Variants in CCDC6 observed in about 807,000 individuals in gnomAD.
The protein encoded by CCDC6 is coiled-coil domain-containing protein 6.
A neutral mutation model predicts 56.6 loss-of-function variants in CCDC6; 20 were observed. The ratio of observed to expected loss-of-function variants is 0.35; its 90% CI spans 0.25 to 0.51. The LOEUF is 0.51. CCDC6 is among the 20% of genes least tolerant of loss of function. The pLI is 0.95. For missense variants in CCDC6, 367 were observed against 601.1 expected (o/e 0.61, Z 4.07); for synonymous variants, 241 against 234.4 (o/e 1.03, Z -0.26).
chr10:59,903,862 C>T (rs1400752724), intron 1 of CCDC6, among the ~76,000 whole-genome samples: 1 of 152,156 alleles, frequency 6.6e-6, no homozygotes, highest in African/African-American at 2.4e-5. Flanking sequence ...CATGGAGTCA[C>T]ATAAATTTCT....
At chr10:59,850,563 C>T (rs114015308) in intron 2 of CCDC6, among the ~76,000 whole-genome samples, 46 of 152,244 alleles carry the variant, frequency 3.0e-4, no homozygotes, top group Middle Eastern at 3.4e-3. Flanking sequence ...AAGACATGCC[C>T]GCGTGAAGGC....
At chr10:59,795,451 TA>T (rs200627835) in intron 7 of CCDC6, among the ~76,000 whole-genome samples, 3 of 136,336 alleles carry the variant, frequency 2.2e-5, no homozygotes, top group East Asian at 4.0e-4. Flanking sequence ...TGGCCATTAT[TA>T]TTTTTTTTCT....
At chr10:59,860,227 C>T (rs2071116521) in intron 1 of CCDC6, among the ~76,000 whole-genome samples, 1 of 152,164 alleles carries the variant, frequency 6.6e-6, no homozygotes, top group Non-Finnish European at 1.5e-5. Flanking sequence ...AGGAAACCCT[C>T]CCATCCCCAG....
intron 1 of CCDC6, among the ~76,000 whole-genome samples, chr10:59,853,297 C>G (rs1265078271): frequency 6.6e-6 from 1 of 152,122 alleles, no homozygotes. Flanking sequence ...CTCTGGGAGG[C>G]AGAGGTGGGT....
Position 59,811,586 on chromosome 10 carries a change from G to A in CCDC6, c.847+1049C>T, listed in dbSNP as rs763538461. On this transcript the variant is annotated intron_variant, in intron 5 of 8. Coordinates refer to ENST00000263102, the MANE Select transcript of CCDC6 (RefSeq NM_005436.5). Reference sequence around the variant, plus strand: ...GAGAAAACTACAATGCATAGTAAGCGAAAAGAGAAAGGTGTAAATGAGTGT... The same window carrying A: ...GAGAAAACTACAATGCATAGTAAGCAAAAAGAGAAAGGTGTAAATGAGTGT... Among the ~76,000 whole-genome samples the A allele has an allele frequency of 1.6e-4, 25 of 152,112 alleles. 2 individuals carry two copies. The highest frequency in any genetic ancestry group is 1.4e-3 in the Admixed American group (22 of 15,264).
At chr10:59,823,433 G>T (rs916747919) in intron 3 of CCDC6, among the ~76,000 whole-genome samples, 8 of 152,162 alleles carry the variant, frequency 5.3e-5, no homozygotes, top group Non-Finnish European at 8.8e-5. Context: ...GCCAGCACTT[G>T]TTCACTCCAG....
At chr10:59,843,404 A>G (rs2070959839) in intron 2 of CCDC6, among the ~76,000 whole-genome samples, 1 of 152,208 alleles carries the variant, frequency 6.6e-6, no homozygotes, top group Admixed American at 6.5e-5. Flanking sequence ...CCCTATAGTT[A>G]TTCATTAGTT....
intron 2 of CCDC6, among the ~76,000 whole-genome samples, chr10:59,837,848 C>A (rs1449295554): frequency 6.7e-6 from 1 of 149,728 alleles, no homozygotes. Flanking sequence ...AGTACCACAA[C>A]TAACATCCCT....
chr10:59,906,283 C>A lies in CCDC6; in HGVS notation c.142G>T (p.Gly48Cys), dbSNP rs540106812. The change falls in exon 1 of 9, where the codon GGC (glycine) becomes TGC (cysteine). Residue 48 changes from glycine to cysteine, a missense_variant. This residue lies in a region of CCDC6 where 79 missense variants were observed against 74.9 expected (regional missense o/e 1.05). Coordinates refer to ENST00000263102, the MANE Select transcript of CCDC6 (RefSeq NM_005436.5). ...AGGCGGAACGGCGAGATGACAATGCCCCCCGACTTCCCACCGCCGCCGCCT... is the reference window on the plus strand; with the variant it reads ...AGGCGGAACGGCGAGATGACAATGCACCCCGACTTCCCACCGCCGCCGCCT... The part of the protein sequence containing the change: ...GGGGGGGKSG[G>C]IVISPFRLEE... 1 of 1,608,878 alleles carries A rather than the reference C, an allele frequency of 6.2e-7. No individual in the cohort carries two copies. Among genetic ancestry groups the A allele is most frequent in the Non-Finnish European group, 8.5e-7 (1 of 1,179,654 alleles).
intron 7 of CCDC6, among the ~76,000 whole-genome samples, chr10:59,802,160 T>C (rs2070581663): frequency 6.6e-6 from 1 of 152,178 alleles, no homozygotes; most frequent in South Asian, 2.1e-4. Flanking sequence ...TTCCTATATA[T>C]AATTCATAAA....
intron 2 of CCDC6, among the ~76,000 whole-genome samples, chr10:59,840,242 G>A (rs930167386): frequency 6.6e-6 from 1 of 152,180 alleles, no homozygotes; most frequent in Admixed American, 6.5e-5. Flanking sequence ...TAGAGAATAA[G>A]TATTTCCAAC....
intron 5 of CCDC6, among the ~76,000 whole-genome samples, chr10:59,812,324 T>G (rs1022228067): frequency 9.2e-5 from 14 of 152,192 alleles, no homozygotes; most frequent in South Asian, 4.1e-4. Flanking sequence ...TGCTGCAATA[T>G]TTTTGTTAGC....
chr10:59,898,772 T>C (rs2071482491), intron 1 of CCDC6, among the ~76,000 whole-genome samples: 1 of 152,226 alleles, frequency 6.6e-6, no homozygotes, highest in African/African-American at 2.4e-5. Context: ...TTATTTTATT[T>C]ATTACATGCC....
At chr10:59,876,088 T>TTTTTTTTTTTTTTTG in intron 1 of CCDC6, among the ~76,000 whole-genome samples, 1 of 142,478 alleles carries the variant, frequency 7.0e-6, no homozygotes, top group Non-Finnish European at 1.5e-5. Context: ...TTTTTTTTTT[T>TTTTTTTTTTTTTTTG]TTTCAGATCG....
chr10:59,886,102 T>C (rs2071381612), intron 1 of CCDC6, among the ~76,000 whole-genome samples: 1 of 152,128 alleles, frequency 6.6e-6, no homozygotes, highest in Non-Finnish European at 1.5e-5. Context: ...CCGGCCAATA[T>C]GAAAGAAGAT....
chr10:59,902,591 G>T (rs1307917616), intron 1 of CCDC6, among the ~76,000 whole-genome samples: 1 of 151,958 alleles, frequency 6.6e-6, no homozygotes, highest in African/African-American at 2.4e-5. Flanking sequence ...TAGAGATGGG[G>T]TTTCACCATG....
At chr10:59,830,023 C>T (rs1027895342) in intron 3 of CCDC6, among the ~76,000 whole-genome samples, 2 of 152,172 alleles carry the variant, frequency 1.3e-5, no homozygotes, top group African/African-American at 2.4e-5. Context: ...CACTAGCCTG[C>T]GCTGCCTTCT....
At chr10:59,820,499 CCTATGAAGTAAAGG>C (rs976110198) in intron 3 of CCDC6, among the ~76,000 whole-genome samples, 1 of 152,092 alleles carries the variant, frequency 6.6e-6, no homozygotes, top group African/African-American at 2.4e-5. Flanking sequence ...AAAGGTAAAG[CCTATGAAGTAAAGG>C]CTATCATATA....
In CCDC6 at chr10:59,841,812, C is replaced by T. The variant is rs533000705; in HGVS notation, c.454-9159G>A. 2.1e-3 allele frequency among the ~76,000 whole-genome samples: 319 copies of T among 151,582 alleles called. 3 individuals are homozygous for T. The highest frequency in any genetic ancestry group is 2.7e-3 in the Non-Finnish European group (182 of 67,898). On this transcript the variant is annotated intron_variant, in intron 2 of 8. Transcript: ENST00000263102. ...CCTCCCGAGTAGCTGGGACTACGGGCGCCTACAACCACGCCCGGCTAATTT... is the reference window on the plus strand; with the variant it reads ...CCTCCCGAGTAGCTGGGACTACGGGTGCCTACAACCACGCCCGGCTAATTT...
Sources: allele counts gnomAD v4.1 joint callset (sites outside exome capture counted in the v4.1 genomes callset), GRCh38; gene constraint gnomAD v4.1.1; regional missense constraint gnomAD v4.1.1; transcripts MANE v1.5; gene names NCBI Gene and HGNC (gene_info 2026-07-23, HGNC 2026-07-21).